Variants in DYM observed in about 807,000 individuals in gnomAD.
DYM encodes the protein dymeclin, also known as dyggve-Melchior-Clausen syndrome protein.
Under a neutral mutation model 93.1 loss-of-function variants are expected in DYM, and 78 were observed. The observed-to-expected ratio is 0.84, with a 90% CI of 0.70 to 1.01. DYM has a LOEUF of 1.01. Ranked by LOEUF, DYM falls within the 50% of genes least tolerant of loss-of-function variation. The probability of loss-of-function intolerance (pLI) is 0.00; values close to 1 mark genes in which losing one functional copy is unlikely to be tolerated. For synonymous variants in DYM, 321 were observed against 319.7 expected (o/e 1.00, Z -0.04); for missense variants, 789 against 845.0 (o/e 0.93, Z 0.82).
At chr18:49,448,648 A>G (rs1232378946) in intron 1 of DYM, among the ~76,000 whole-genome samples, 1 of 152,150 alleles carries the variant, frequency 6.6e-6, no homozygotes, top group Non-Finnish European at 1.5e-5. Flanking sequence ...GGGGGAAAAA[A>G]GCAGGGGGGA....
At position 49,458,662 on chromosome 18, in the gene DYM, C is replaced by A. The variant is rs1275759316; in HGVS notation, c.-54+1736G>T. On this transcript the variant is annotated intron_variant, in intron 1 of 17. Coordinates refer to ENST00000675505, the MANE Select transcript of DYM (RefSeq NM_001353214.3). Reference sequence around the variant, plus strand: ...GACCAGCCTGAGCAACATGATGAGACCCCCGTCTCTACTAAAAATACAAAA... The same window carrying A: ...GACCAGCCTGAGCAACATGATGAGAACCCCGTCTCTACTAAAAATACAAAA... Among the ~76,000 whole-genome samples, 8 of 152,012 alleles carry A rather than the reference C, an allele frequency of 5.3e-5. No individual in the cohort carries two copies. In the South Asian group the frequency reaches 1.5e-3, roughly 28 times the overall value.
chr18:49,061,477 G>A (rs1311285887), intron 17 of DYM, among the ~76,000 whole-genome samples: 1 of 152,224 alleles, frequency 6.6e-6, no homozygotes, highest in East Asian at 1.9e-4. Context: ...TGCTGAGACT[G>A]AGCCTAGACT....
intron 8 of DYM, among the ~76,000 whole-genome samples, chr18:49,291,409 G>A (rs1037132474): frequency 6.6e-6 from 1 of 152,066 alleles, no homozygotes; most frequent in African/African-American, 2.4e-5. Context: ...ACACAATTGT[G>A]AGCCTACAAA....
intron 3 of DYM, among the ~76,000 whole-genome samples, chr18:49,386,155 A>G (rs1240179653): frequency 3.3e-5 from 5 of 152,130 alleles, no homozygotes; most frequent in East Asian, 3.9e-4. Context: ...TACAAGCAGC[A>G]GGAAAAAATT....
intron 8 of DYM, among the ~76,000 whole-genome samples, chr18:49,317,199 T>A (rs2061999712): frequency 6.6e-6 from 1 of 152,194 alleles, no homozygotes; most frequent in African/African-American, 2.4e-5. Flanking sequence ...TCTGTAAACC[T>A]AGAACTGCTC....
At chr18:49,158,224 T>C (rs1210711631) in intron 15 of DYM, among the ~76,000 whole-genome samples, 1 of 152,250 alleles carries the variant, frequency 6.6e-6, no homozygotes, top group African/African-American at 2.4e-5. Context: ...AGTTTGGTTC[T>C]GTAGCTTTTA....
chr18:49,199,929 TA>T (rs903111818), intron 14 of DYM, among the ~76,000 whole-genome samples: 1 of 151,600 alleles, frequency 6.6e-6, no homozygotes, highest in African/African-American at 2.4e-5. Flanking sequence ...AGTTGAGATA[TA>T]AAAATGATTT....
At chr18:49,305,413 G>T (rs1269500111) in intron 8 of DYM, among the ~76,000 whole-genome samples, 1 of 152,102 alleles carries the variant, frequency 6.6e-6, no homozygotes, top group African/African-American at 2.4e-5. Flanking sequence ...GAAACCTATT[G>T]TTCTCTTTAA....
At chr18:49,172,037 C>A (rs184359205) in intron 14 of DYM, among the ~76,000 whole-genome samples, 15 of 152,252 alleles carry the variant, frequency 9.9e-5, no homozygotes, top group African/African-American at 3.4e-4. Context: ...TGCTCCAATA[C>A]CCTTCCCCTC....
intron 6 of DYM, among the ~76,000 whole-genome samples, chr18:49,353,674 T>G (rs922990931): frequency 1.3e-5 from 2 of 151,984 alleles, no homozygotes; most frequent in African/African-American, 4.8e-5. Flanking sequence ...TGGTATACAT[T>G]TACATTAAGA....
chr18:49,378,148 C>T (rs1427067453), intron 5 of DYM, among the ~76,000 whole-genome samples: 2 of 152,220 alleles, frequency 1.3e-5, no homozygotes, highest in African/African-American at 2.4e-5. Context: ...GAAGCTATTG[C>T]TGCACGCTAT....
chr18:49,382,217 C>A (rs1465392264), intron 3 of DYM, among the ~76,000 whole-genome samples: 1 of 152,088 alleles, frequency 6.6e-6, no homozygotes, highest in Non-Finnish European at 1.5e-5. Context: ...GCGCCGTGTA[C>A]CTTCTTCACT....
chr18:49,423,486 T>G (rs1441842994), intron 2 of DYM, among the ~76,000 whole-genome samples: 1 of 152,044 alleles, frequency 6.6e-6, no homozygotes, highest in East Asian at 1.9e-4. Context: ...TTAAAAGAAC[T>G]AGAGAAGCAA....
chr18:49,050,604 C>T (rs1181805044), intron 17 of DYM, among the ~76,000 whole-genome samples: 1 of 151,934 alleles, frequency 6.6e-6, no homozygotes, highest in Non-Finnish European at 1.5e-5. Flanking sequence ...CTGTGGTTGA[C>T]CAGGAATGAA....
intron 5 of DYM, among the ~76,000 whole-genome samples, chr18:49,374,728 G>A (rs1404090587): frequency 6.6e-6 from 1 of 152,196 alleles, no homozygotes; most frequent in Non-Finnish European, 1.5e-5. Context: ...GGAGGCCGAG[G>A]TGGGCAGATC....
intron 2 of DYM, among the ~76,000 whole-genome samples, chr18:49,423,104 C>T (rs1490543474): frequency 6.6e-6 from 1 of 152,180 alleles, no homozygotes; most frequent in African/African-American, 2.4e-5. Flanking sequence ...CTTTTCAGCA[C>T]CACATAGCAC....
chr18:49,415,638 T>C (rs898224642), intron 2 of DYM, among the ~76,000 whole-genome samples: 3 of 151,908 alleles, frequency 2.0e-5, no homozygotes, highest in Admixed American at 6.6e-5. Context: ...TTATAAAAAG[T>C]AGGGTGTGGC....
At chr18:49,084,084 G>A (rs1235853533) in intron 17 of DYM, among the ~76,000 whole-genome samples, 2 of 152,018 alleles carry the variant, frequency 1.3e-5, no homozygotes, top group East Asian at 1.9e-4. Context: ...TAGATTATCT[G>A]ATGTTTTCTT....
intron 14 of DYM, among the ~76,000 whole-genome samples, chr18:49,173,886 C>A (rs932513326): frequency 6.6e-6 from 1 of 152,034 alleles, no homozygotes; most frequent in Non-Finnish European, 1.5e-5. Context: ...ACCTATAGTA[C>A]AATACTGAAT....
Sources: gnomAD v4.1 joint callset for allele counts (sites outside exome capture counted in the v4.1 genomes callset) on GRCh38, gnomAD v4.1.1 for gene constraint, MANE v1.5 for transcripts, NCBI Gene and HGNC (gene_info 2026-07-23, HGNC 2026-07-21) for gene names.